Variants in MGAT5 observed in about 807,000 individuals in gnomAD.
MGAT5 encodes alpha-1,6-mannosylglycoprotein 6-beta-N-acetylglucosaminyltransferase A.
A neutral mutation model predicts 94.3 loss-of-function variants in MGAT5; 30 were observed. That is an observed-to-expected ratio of 0.32 (90% confidence interval 0.24 to 0.43). MGAT5 has a LOEUF of 0.43. MGAT5 is among the 20% of genes least tolerant of loss of function. The pLI is 1.00. For missense variants in MGAT5, 691 were observed against 905.5 expected (o/e 0.76, Z 3.04); for synonymous variants, 310 against 322.9 (o/e 0.96, Z 0.43).
At chr2:134,348,679 A>T (rs1252794472) in intron 8 of MGAT5, among the ~76,000 whole-genome samples, 1 of 152,212 alleles carries the variant, frequency 6.6e-6, no homozygotes, top group Non-Finnish European at 1.5e-5. Flanking sequence ...CTTTACTTTT[A>T]TGCTTCTTAG....
chr2:134,261,053 G>A (rs1207578418), intron 1 of MGAT5, among the ~76,000 whole-genome samples: 2 of 152,060 alleles, frequency 1.3e-5, no homozygotes, highest in African/African-American at 4.8e-5. Flanking sequence ...CCAGTCAAAA[G>A]GTCTGAGGAA....
At chr2:134,138,766 G>A (rs887755251) in intron 1 of MGAT5, among the ~76,000 whole-genome samples, 4 of 152,162 alleles carry the variant, frequency 2.6e-5, no homozygotes, top group Non-Finnish European at 5.9e-5. Context: ...GAAGTATGTT[G>A]TCTGGGGTGA....
chr2:134,281,829 T>C (rs536241006), intron 2 of MGAT5, among the ~76,000 whole-genome samples: 49 of 152,314 alleles, frequency 3.2e-4, no homozygotes, highest in African/African-American at 1.2e-3. Flanking sequence ...TTTCATTAAG[T>C]GTGGTTAATG....
At chr2:134,330,998 T>C (rs553355533) in intron 4 of MGAT5, among the ~76,000 whole-genome samples, 1 of 152,276 alleles carries the variant, frequency 6.6e-6, no homozygotes, top group East Asian at 1.9e-4. Context: ...GTAGCTTTAT[T>C]ACTTTTTCTT....
chr2:134,399,182 A>G (rs7598763), intron 10 of MGAT5, among the ~76,000 whole-genome samples: 111,114 of 152,156 alleles, frequency 0.73, 41,504 homozygotes, highest in East Asian at 0.95. Flanking sequence ...TCCCATAAAC[A>G]TGTACAATTA....
chr2:134,226,718 A>C (rs949024485), intron 1 of MGAT5, among the ~76,000 whole-genome samples: 1 of 152,220 alleles, frequency 6.6e-6, no homozygotes, highest in African/African-American at 2.4e-5. Context: ...TAGCAGGCAC[A>C]GTTCCTGGGA....
rs554966353 is a variant in MGAT5, at chr2:134,335,754, G to A, written c.574-463G>A. Among the ~76,000 whole-genome samples, 33 of 152,244 alleles carry A rather than the reference G, an allele frequency of 2.2e-4. No individual in the cohort carries two copies. The South Asian group carries it at 6.8e-3, about 32-fold the overall frequency. Reference sequence around the variant, plus strand: ...CAGTGGCATTCCTAACTCAGATAAAGGATTGAGTTCTGTGGCTCCAATGCC... The same window carrying A: ...CAGTGGCATTCCTAACTCAGATAAAAGATTGAGTTCTGTGGCTCCAATGCC... On this transcript the variant is annotated intron_variant, in intron 4 of 15. Transcript: ENST00000281923.
At chr2:134,333,663 G>A (rs1688145704) in intron 4 of MGAT5, among the ~76,000 whole-genome samples, 1 of 152,044 alleles carries the variant, frequency 6.6e-6, no homozygotes, top group Non-Finnish European at 1.5e-5. Flanking sequence ...TCTACTGGTG[G>A]GTTAAGCTTG....
Position 134,336,224 on chromosome 2 carries a change from A to T in MGAT5, c.581A>T (p.Asn194Ile). The change falls in exon 5 of 16, where the codon AAT (asparagine) becomes ATT (isoleucine). Residue 194 changes from asparagine to isoleucine, a missense_variant. By Grantham distance (149) the Asn-to-Ile change is moderately radical. This residue lies in a region of MGAT5 where 307 missense variants were observed against 335.4 expected (regional missense o/e 0.92). Coordinates refer to ENST00000281923, the MANE Select transcript of MGAT5 (RefSeq NM_002410.5). ...GTCACTGATGCTTTTTAGGTTGAAAATTGGTGTCCTCATTTACCTTGGAGA... is the reference window on the plus strand; with the variant it reads ...GTCACTGATGCTTTTTAGGTTGAAATTTGGTGTCCTCATTTACCTTGGAGA... ...SFFIYLSEVENWCPHLPWRAK... is the reference protein window; with the variant it reads ...SFFIYLSEVEIWCPHLPWRAK... The T allele has an allele frequency of 1.2e-6, 2 of 1,612,254 alleles. No individual in the cohort carries two copies. Among genetic ancestry groups the T allele is most frequent in the Non-Finnish European group, 1.7e-6 (2 of 1,178,964 alleles).
chr2:134,408,386 A>G (rs1270704774), intron 11 of MGAT5, among the ~76,000 whole-genome samples: 1 of 152,218 alleles, frequency 6.6e-6, no homozygotes, highest in East Asian at 1.9e-4. Context: ...GGGCTTTCAA[A>G]TGACCGAAAC....
intron 1 of MGAT5, among the ~76,000 whole-genome samples, chr2:134,207,269 A>AC (rs1415522857): frequency 6.6e-6 from 1 of 152,216 alleles, no homozygotes; most frequent in African/African-American, 2.4e-5. Flanking sequence ...CTGATTAGCT[A>AC]CCTTAACTCC....
At chr2:134,285,103 G>T (rs768728458) in intron 2 of MGAT5, among the ~76,000 whole-genome samples, 23 of 152,092 alleles carry the variant, frequency 1.5e-4, no homozygotes, top group Non-Finnish European at 3.1e-4. Flanking sequence ...GAAATATCTA[G>T]AATTGTTTTC....
intron 1 of MGAT5, among the ~76,000 whole-genome samples, chr2:134,152,223 A>T (rs538275950): frequency 7.5e-6 from 1 of 132,562 alleles, no homozygotes; most frequent in Non-Finnish European, 1.5e-5. Context: ...CTCACACCCT[A>T]TGGGACCCGC....
At chr2:134,379,527 A>T (rs1214642444) in intron 10 of MGAT5, among the ~76,000 whole-genome samples, 1 of 152,192 alleles carries the variant, frequency 6.6e-6, no homozygotes, top group African/African-American at 2.4e-5. Context: ...CAGGCACACC[A>T]GCAGATGGAG....
rs1424114398 is a variant in MGAT5 at position 134,440,110 on chromosome 2, C to T, written c.1870-1648C>T. On this transcript the variant is annotated intron_variant, in intron 14 of 15. Transcript: ENST00000281923. ...AACCCTCTCCTCACCCCCGAGTCCT[C>T]CTTAGACCTGCTGGTTTCCTCTATT... is the stretch of plus-strand genomic sequence containing the variant. Among the ~76,000 whole-genome samples the T allele has an allele frequency of 2.6e-5, 4 of 152,166 alleles. No individual in the cohort carries two copies. In the East Asian group the frequency reaches 7.7e-4, roughly 29 times the overall value.
intron 11 of MGAT5, among the ~76,000 whole-genome samples, chr2:134,407,320 T>C (rs1164978807): frequency 3.3e-5 from 5 of 152,196 alleles, no homozygotes; most frequent in Admixed American, 2.6e-4. Flanking sequence ...GGTTTCATCC[T>C]AGTGAGCATA....
intron 10 of MGAT5, among the ~76,000 whole-genome samples, chr2:134,371,914 C>T (rs1035904329): frequency 6.7e-6 from 1 of 149,998 alleles, no homozygotes; most frequent in Non-Finnish European, 1.5e-5. Flanking sequence ...TTCTTAGAAC[C>T]TAGGTCTGTG....
chr2:134,174,622 A>T (rs915622310), intron 1 of MGAT5, among the ~76,000 whole-genome samples: 5 of 152,378 alleles, frequency 3.3e-5, no homozygotes, highest in South Asian at 4.1e-4. Context: ...TTGGCATCAA[A>T]GACGAATAAT....
At chr2:134,233,488 TTA>T (rs1210804965) in intron 1 of MGAT5, among the ~76,000 whole-genome samples, 1 of 152,248 alleles carries the variant, frequency 6.6e-6, no homozygotes, top group Non-Finnish European at 1.5e-5. Flanking sequence ...TGCATTTTTT[TTA>T]TGTGTTTCAC....
Sources: allele counts gnomAD v4.1 joint callset (sites outside exome capture counted in the v4.1 genomes callset), GRCh38; gene constraint gnomAD v4.1.1; regional missense constraint gnomAD v4.1.1; transcripts MANE v1.5; gene names NCBI Gene and HGNC (gene_info 2026-07-23, HGNC 2026-07-21).